The following GHR variants were observed in gnomAD, a reference collection of about 807,000 sequenced individuals.
GHR encodes growth hormone receptor.
In GHR, 35 loss-of-function variants were observed where a neutral mutation model predicts 67.1. The observed-to-expected ratio is 0.52, with a 90% CI of 0.40 to 0.69. The LOEUF is 0.69. Among genes scored for constraint, GHR ranks in the 30% least tolerant of loss-of-function variants. The pLI is 0.00. For synonymous variants in GHR, 272 were observed against 269.1 expected, an observed-to-expected ratio of 1.01 and a Z score of -0.10; for missense variants, 792 against 764.6, an observed-to-expected ratio of 1.04 and a Z score of -0.42.
At chr5:42,581,864 G>C (rs752697880) in intron 2 of GHR, among the ~76,000 whole-genome samples, 1 of 152,152 alleles carries the variant, frequency 6.6e-6, no homozygotes, top group Admixed American at 6.5e-5. Context: ...CCGTGCTCTC[G>C]GGGGCCCAGG....
At chr5:42,578,074 G>A (rs1370267516) in intron 2 of GHR, among the ~76,000 whole-genome samples, 1 of 152,106 alleles carries the variant, frequency 6.6e-6, no homozygotes. Context: ...TGAGATTTTA[G>A]GTTAATTTAT....
intron 1 of GHR, among the ~76,000 whole-genome samples, chr5:42,438,083 T>C (rs2940916): frequency 0.17 from 25,239 of 152,194 alleles, 2,318 homozygotes; most frequent in Middle Eastern, 0.27. Context: ...TCTCTACTTG[T>C]GGACACTCAA....
intron 1 of GHR, among the ~76,000 whole-genome samples, chr5:42,559,337 T>TA (rs1344085388): frequency 1.3e-5 from 2 of 152,122 alleles, no homozygotes; most frequent in African/African-American, 4.8e-5. Flanking sequence ...GGCCAGGAAT[T>TA]AGAGACCAGC....
intron 6 of GHR, among the ~76,000 whole-genome samples, chr5:42,701,759 G>T (rs1215671508): frequency 1.3e-5 from 2 of 152,062 alleles, no homozygotes; most frequent in African/African-American, 4.8e-5. Flanking sequence ...GAGATTGATG[G>T]TGATATTAAT....
chr5:42,497,744 A>G (rs1164912092), intron 1 of GHR, among the ~76,000 whole-genome samples: 1 of 152,190 alleles, frequency 6.6e-6, no homozygotes, highest in East Asian at 1.9e-4. Context: ...AGATACATAC[A>G]ATGCCAAAGA....
intron 1 of GHR, chr5:42,466,117 G>T (rs950522407): frequency 6.1e-6 from 2 of 325,586 alleles, no homozygotes; most frequent in African/African-American, 4.4e-5. Context: ...ATGGGAATTG[G>T]GAGCTTGAGT....
At chr5:42,620,295 C>G (rs186311217) in intron 2 of GHR, among the ~76,000 whole-genome samples, 2 of 152,138 alleles carry the variant, frequency 1.3e-5, no homozygotes, top group African/African-American at 4.8e-5. Context: ...CATAATGCCT[C>G]ACAACATTTT....
chr5:42,702,503 A>G (rs1300432861), intron 6 of GHR, among the ~76,000 whole-genome samples: 1 of 152,058 alleles, frequency 6.6e-6, no homozygotes, highest in African/African-American at 2.4e-5. Context: ...TGAACATGGG[A>G]GCCCAGATAT....
chr5:42,651,977 A>T (rs2112826756), intron 3 of GHR, among the ~76,000 whole-genome samples: 2 of 152,328 alleles, frequency 1.3e-5, no homozygotes, highest in South Asian at 4.1e-4. Flanking sequence ...AAAAAGGGAA[A>T]GGTATAGATG....
rs115766792 is a variant in GHR at position 42,560,070 on chromosome 5, T to C, written c.-11-5794T>C. On this transcript the variant is annotated intron_variant, in intron 1 of 9. Coordinates refer to ENST00000230882, the MANE Select transcript of GHR (RefSeq NM_000163.5). ...CATCATGCTTCTAAGGATGCTTTAA[T>C]CACTTTTTTAAAAAAAATACTTGAT... Among the ~76,000 whole-genome samples the C allele has an allele frequency of 2.2e-3, 330 of 152,302 alleles. 1 individual carries two copies. The highest frequency in any genetic ancestry group is 7.6e-3 in the African/African-American group (314 of 41,574).
chr5:42,560,007 A>G (rs948145926), intron 1 of GHR, among the ~76,000 whole-genome samples: 6 of 152,198 alleles, frequency 3.9e-5, no homozygotes, highest in Non-Finnish European at 7.3e-5. Context: ...TTAGTAATCA[A>G]TGTTGGCATT....
intron 1 of GHR, among the ~76,000 whole-genome samples, chr5:42,535,367 C>T (rs1241514679): frequency 6.6e-6 from 1 of 152,018 alleles, no homozygotes; most frequent in African/African-American, 2.4e-5. Flanking sequence ...GTTTTATTCT[C>T]GTATATGTGA....
chr5:42,511,654 T>G (rs1336884891), intron 1 of GHR, among the ~76,000 whole-genome samples: 1 of 152,184 alleles, frequency 6.6e-6, no homozygotes, highest in Non-Finnish European at 1.5e-5. Flanking sequence ...TAATAATTTG[T>G]CTTCCTTTAC....
chr5:42,528,571 T>C (rs573353372), intron 1 of GHR, among the ~76,000 whole-genome samples: 8 of 152,310 alleles, frequency 5.3e-5, no homozygotes, highest in Admixed American at 2.6e-4. Context: ...CTGGTGAAGA[T>C]GCCATGAACA....
chr5:42,501,648 C>A (rs1228093553), intron 1 of GHR, among the ~76,000 whole-genome samples: 1 of 152,146 alleles, frequency 6.6e-6, no homozygotes. Context: ...TAGTGACTTC[C>A]TTCCCCTCAA....
chr5:42,496,218 T>G (rs1444061047), intron 1 of GHR, among the ~76,000 whole-genome samples: 2 of 152,136 alleles, frequency 1.3e-5, no homozygotes, highest in Admixed American at 6.5e-5. Flanking sequence ...ACAATAGTAC[T>G]TAGGCATTCA....
intron 3 of GHR, among the ~76,000 whole-genome samples, chr5:42,656,983 A>G (rs1218099723): frequency 3.3e-5 from 5 of 152,128 alleles, no homozygotes; most frequent in Non-Finnish European, 7.4e-5. Flanking sequence ...ATGCCTAGTC[A>G]GGGACCTTTC....
chr5:42,467,419 A>T (rs1333647902), intron 1 of GHR: 4 of 930,952 alleles, frequency 4.3e-6, no homozygotes, highest in Admixed American at 1.9e-5. Context: ...CTGGTGGACA[A>T]TATGGTTTGA....
chr5:42,592,751 C>T (rs950188782), intron 2 of GHR, among the ~76,000 whole-genome samples: 1 of 152,102 alleles, frequency 6.6e-6, no homozygotes, highest in Non-Finnish European at 1.5e-5. Context: ...TATGGTAGAG[C>T]AGTTTATATT....
Sources: gnomAD v4.1 joint callset for allele counts (sites outside exome capture counted in the v4.1 genomes callset) on GRCh38, gnomAD v4.1.1 for gene constraint, MANE v1.5 for transcripts, NCBI Gene and HGNC (gene_info 2026-07-23, HGNC 2026-07-21) for gene names.